Variants in TBC1D22A observed in about 807,000 individuals in gnomAD.
TBC1D22A encodes the protein TBC1 domain family member 22A, also known as putative GTPase activator.
A neutral mutation model predicts 60.2 loss-of-function variants in TBC1D22A; 38 were observed. The observed-to-expected ratio is 0.63, with a 90% CI of 0.49 to 0.83. The LOEUF (loss-of-function observed/expected upper bound fraction) is 0.83. Ranked by LOEUF, TBC1D22A falls within the 40% of genes least tolerant of loss-of-function variation. The pLI is 0.00. For missense variants in TBC1D22A, 628 were observed against 701.0 expected (o/e 0.90, Z 1.18); for synonymous variants, 302 against 281.7 (o/e 1.07, Z -0.72).
chr22:46,969,956 G>T (rs2073981131), intron 8 of TBC1D22A, among the ~76,000 whole-genome samples: 1 of 152,182 alleles, frequency 6.6e-6, no homozygotes, highest in Non-Finnish European at 1.5e-5. Context: ...TTAATTATGT[G>T]TTTGCAAAAA....
chr22:47,158,061 A>G (rs923280254), intron 12 of TBC1D22A, among the ~76,000 whole-genome samples: 1 of 152,096 alleles, frequency 6.6e-6, no homozygotes, highest in African/African-American at 2.4e-5. Flanking sequence ...CCACCCCTGC[A>G]TCTGTGAGGG....
chr22:46,964,139 G>A (rs2073683112), intron 8 of TBC1D22A, among the ~76,000 whole-genome samples: 1 of 152,220 alleles, frequency 6.6e-6, no homozygotes, highest in Non-Finnish European at 1.5e-5. Context: ...ACTTGTTGGA[G>A]CCTTGGTTTC....
intron 4 of TBC1D22A, among the ~76,000 whole-genome samples, chr22:46,845,513 A>T (rs1232172247): frequency 2.0e-5 from 3 of 152,142 alleles, no homozygotes; most frequent in Admixed American, 6.5e-5. Context: ...TTAAATGCTG[A>T]TGGGGGAGCT....
At chr22:46,785,301 G>T (rs2084111438) in intron 1 of TBC1D22A, among the ~76,000 whole-genome samples, 1 of 152,216 alleles carries the variant, frequency 6.6e-6, no homozygotes, top group South Asian at 2.1e-4. Flanking sequence ...GGGTTGTAAT[G>T]TGTACATATG....
chr22:47,061,011 C>A (rs929801194), intron 11 of TBC1D22A, among the ~76,000 whole-genome samples: 1 of 152,208 alleles, frequency 6.6e-6, no homozygotes, highest in Non-Finnish European at 1.5e-5. Context: ...CCACCGGAAC[C>A]GCTCGCATGC....
chr22:46,906,739 CT>C (rs2069497197), intron 7 of TBC1D22A, among the ~76,000 whole-genome samples: 1 of 150,922 alleles, frequency 6.6e-6, no homozygotes, highest in Non-Finnish European at 1.5e-5. Context: ...AGCTGTTTCA[CT>C]GGCCCGTGGC....
intron 1 of TBC1D22A, 36 bp downstream of exon 1, chr22:46,762,884 G>A (rs1302489606): frequency 2.7e-6 from 4 of 1,469,736 alleles, no homozygotes; most frequent in African/African-American, 1.5e-5. Context: ...CGGGGTCAGG[G>A]GTCAGAGGTC....
At chr22:46,792,818 G>A in intron 2 of TBC1D22A, 1 of 1,443,514 alleles carries the variant, frequency 6.9e-7, no homozygotes, top group African/African-American at 1.4e-5. Context: ...GGGGAGCCCT[G>A]GGGAGAGCCA....
intron 8 of TBC1D22A, among the ~76,000 whole-genome samples, chr22:46,972,402 A>G (rs73186538): frequency 0.034 from 5,184 of 152,236 alleles, 123 homozygotes; most frequent in South Asian, 0.059. Context: ...CCCAGGGTCT[A>G]CCAGCCGAGG....
At chr22:47,121,412 C>T (rs569868701) in intron 12 of TBC1D22A, among the ~76,000 whole-genome samples, 36 of 152,232 alleles carry the variant, frequency 2.4e-4, no homozygotes, top group South Asian at 6.2e-4. Flanking sequence ...ATCCAGCTCT[C>T]GGGGTACAGT....
chr22:47,069,422 C>T (rs537908301), intron 11 of TBC1D22A, among the ~76,000 whole-genome samples: 36 of 152,322 alleles, frequency 2.4e-4, no homozygotes, highest in East Asian at 1.9e-3. Flanking sequence ...CTTAACGGAA[C>T]GTGCTTCCAC....
intron 8 of TBC1D22A, among the ~76,000 whole-genome samples, chr22:46,960,508 G>A (rs1044614784): frequency 3.9e-5 from 6 of 152,004 alleles, no homozygotes; most frequent in African/African-American, 1.4e-4. Context: ...ATGATCTGCC[G>A]GCCTCAGTCC....
intron 12 of TBC1D22A, among the ~76,000 whole-genome samples, chr22:47,119,010 G>A (rs1887420805): frequency 6.6e-6 from 1 of 152,136 alleles, no homozygotes; most frequent in Admixed American, 6.5e-5. Context: ...TTAGCCAGGT[G>A]TGGTGGCGCA....
chr22:46,930,484 C>G (rs1023334390), intron 8 of TBC1D22A, among the ~76,000 whole-genome samples: 1 of 152,042 alleles, frequency 6.6e-6, no homozygotes, highest in African/African-American at 2.4e-5. Flanking sequence ...TAGACGGAGT[C>G]TCGCTCTGTC....
At chr22:46,786,742 G>A (rs576175307) in intron 1 of TBC1D22A, among the ~76,000 whole-genome samples, 16 of 152,098 alleles carry the variant, frequency 1.1e-4, no homozygotes, top group African/African-American at 3.6e-4. Context: ...ACACTTAAGC[G>A]CAGTAGTGCC....
chr22:46,980,078 A>G (rs1293502227), intron 9 of TBC1D22A, among the ~76,000 whole-genome samples: 1 of 152,234 alleles, frequency 6.6e-6, no homozygotes, highest in Non-Finnish European at 1.5e-5. Context: ...GACCTGAGAC[A>G]CTAGAACAGC....
At chr22:46,998,553 G>A (rs1343945111) in intron 10 of TBC1D22A, among the ~76,000 whole-genome samples, 1 of 152,258 alleles carries the variant, frequency 6.6e-6, no homozygotes, top group African/African-American at 2.4e-5. Flanking sequence ...GGCCCTGCCC[G>A]CTGAGCGTTG....
intron 12 of TBC1D22A, among the ~76,000 whole-genome samples, chr22:47,139,901 A>G (rs971508221): frequency 6.6e-6 from 1 of 152,388 alleles, no homozygotes; most frequent in Middle Eastern, 3.4e-3. Flanking sequence ...CGAAGTCCAC[A>G]TCATGTGACT....
chr22:46,890,208 G>C lies in TBC1D22A; in HGVS notation c.709-1058G>C, dbSNP rs577047665. 3.9e-5 allele frequency among the ~76,000 whole-genome samples: 6 copies of C among 151,920 alleles called. 1 individual carries two copies. The South Asian group carries it at 1.2e-3, about 32-fold the overall frequency. On this transcript the variant is annotated intron_variant, in intron 5 of 12. Transcript: ENST00000337137. ...ACAAAATTTAGCTGGGCGTGGTGGCGGGTGCCTGTAATCCCAGCTACTCGG... is the reference window on the plus strand; with the variant it reads ...ACAAAATTTAGCTGGGCGTGGTGGCCGGTGCCTGTAATCCCAGCTACTCGG...
Sources: gnomAD v4.1 joint callset for allele counts (sites outside exome capture counted in the v4.1 genomes callset) on GRCh38, gnomAD v4.1.1 for gene constraint, MANE v1.5 for transcripts, NCBI Gene and HGNC (gene_info 2026-07-23, HGNC 2026-07-21) for gene names.